The following WDR36 variants were observed in gnomAD, a reference collection of about 807,000 sequenced individuals.
The protein encoded by WDR36 is WD repeat-containing protein 36.
A neutral mutation model predicts 112.7 loss-of-function variants in WDR36; 63 were observed. The observed-to-expected ratio is 0.56, with a 90% CI of 0.46 to 0.69. The LOEUF (loss-of-function observed/expected upper bound fraction) is 0.69. Ranked by LOEUF, WDR36 falls within the 30% of genes least tolerant of loss-of-function variation. The pLI is 0.00. For synonymous variants in WDR36, 410 were observed against 362.2 expected, an observed-to-expected ratio of 1.13 and a Z score of -1.50; for missense variants, 1,226 against 1,070.3, an observed-to-expected ratio of 1.15 and a Z score of -2.03.
intron 4 of WDR36, among the ~76,000 whole-genome samples, chr5:111,099,304 G>A (rs1753063153): frequency 1.3e-5 from 2 of 151,800 alleles, no homozygotes; most frequent in African/African-American, 2.4e-5. Flanking sequence ...TATGTTTATG[G>A]GATTATGTAT....
Position 111,100,476 on chromosome 5 carries a change from T to C in WDR36, c.410-113T>C, listed in dbSNP as rs1052317422. On this transcript the variant is annotated intron_variant, in intron 4 of 22. Transcript: ENST00000513710. ...GATTAGTATCTAAGTCTGTGGTTTA[T>C]TTTAACATATAAATCTTTGATGTGA... 3.3e-5 allele frequency: 23 copies of C among 703,634 alleles called. No individual in the cohort carries two copies. The African/African-American group carries it at 4.0e-4, about 12-fold the overall frequency. 43.6% of individuals were successfully genotyped at this position (703,634 alleles called of 1,614,324 possible).
At position 111,104,153 on chromosome 5, in the gene WDR36, T is replaced by C. The variant is rs374768347; in HGVS notation, c.731-24T>C. The C allele has an allele frequency of 2.8e-4, 446 of 1,594,012 alleles. 1 individual carries two copies. Among genetic ancestry groups the C allele is most frequent in the South Asian group, 1.5e-3 (135 of 89,794 alleles). On this transcript the variant is annotated intron_variant, in intron 7 of 22. Coordinates refer to ENST00000513710, the MANE Select transcript of WDR36 (RefSeq NM_139281.3). ...TTGGGGGATCTAGAAGTATTTTTCT[T>C]AATGTATTTTATTTTAATAACAGAT...
At position 111,104,357 on chromosome 5, in the gene WDR36, T is replaced by G; in HGVS notation, c.906+5T>G. 6.2e-7 allele frequency: 1 copy of G among 1,611,710 alleles called. No individual in the cohort carries two copies. The highest frequency in any genetic ancestry group is 8.5e-7 in the Non-Finnish European group (1 of 1,178,272). On this transcript the variant is annotated splice_donor_5th_base_variant and intron_variant, in intron 8 of 22. Coordinates refer to ENST00000513710, the MANE Select transcript of WDR36 (RefSeq NM_139281.3). Reference sequence around the variant, plus strand: ...GGCGCTGACAATGCTCTTAGGGTATTATGATTATTGTTAACATCTTCCTGG... The same window carrying G: ...GGCGCTGACAATGCTCTTAGGGTATGATGATTATTGTTAACATCTTCCTGG...
At position 111,128,280 on chromosome 5, in the gene WDR36, A is replaced by G. The variant is rs1295414065; in HGVS notation, c.*1397A>G. 5.3e-6 allele frequency: 1 copy of G among 187,890 alleles called. No homozygotes were observed. The highest frequency in any genetic ancestry group is 1.1e-5 in the Non-Finnish European group (1 of 89,060). The allele number at this position is 187,890 out of a possible 1,614,324, so 11.6% of individuals were successfully genotyped here. A position where few individuals can be genotyped will look rare whatever the true frequency, so the allele number is the denominator to read the frequency against. On this transcript the variant is annotated 3_prime_UTR_variant, in exon 23 of 23. Coordinates refer to ENST00000513710, the MANE Select transcript of WDR36 (RefSeq NM_139281.3). Reference sequence around the variant, plus strand: ...TGATCTCCAAAAGAAGCAGTCCTCAAAAGGCATTTACCAGTGATATCTTTT... The same window carrying G: ...TGATCTCCAAAAGAAGCAGTCCTCAGAAGGCATTTACCAGTGATATCTTTT...
Position 111,125,729 on chromosome 5 carries a change from T to C in WDR36, c.2472T>C (p.Ile824=). 1 of 1,613,932 alleles carries C rather than the reference T, an allele frequency of 6.2e-7. No individual in the cohort carries two copies. The change falls in exon 22 of 23, where the codon ATT becomes ATC. Residue 824 remains isoleucine (I), a synonymous_variant. Coordinates refer to ENST00000513710, the MANE Select transcript of WDR36 (RefSeq NM_139281.3). Reference sequence around the variant, plus strand: ...TTATGCAGAGCTTCTTGAAAATGATTGGGATGATGCTGGACAGAAAGCGTG... The same window carrying C: ...TTATGCAGAGCTTCTTGAAAATGATCGGGATGATGCTGGACAGAAAGCGTG... ...IEVMQSFLKM[I]GMMLDRKRDF...
intron 1 of WDR36, among the ~76,000 whole-genome samples, chr5:111,094,698 C>T (rs942149775): frequency 6.6e-6 from 1 of 152,078 alleles, no homozygotes; most frequent in Non-Finnish European, 1.5e-5. Context: ...ATATTTGGCC[C>T]ATTATAGAAA....
chr5:111,104,965 C>G lies in WDR36; in HGVS notation c.1027+148C>G. On this transcript the variant is annotated intron_variant, in intron 9 of 22. Coordinates refer to ENST00000513710, the MANE Select transcript of WDR36 (RefSeq NM_139281.3). ...GGGTAAAACTAAGAGTCCTTTTTGT[C>G]TACTTGAGAAGCACTATAGATGTTA... 5.0e-6 allele frequency: 6 copies of G among 1,209,816 alleles called. No homozygotes were observed. The South Asian group carries it at 7.6e-5, about 15-fold the overall frequency. 74.9% of individuals were successfully genotyped at this position (1,209,816 alleles called of 1,614,324 possible).
chr5:111,126,761 C>T lies in WDR36; in HGVS notation c.2566C>T (p.Pro856Ser). Residue 856 changes from proline (P) to serine (S), a missense_variant, in exon 23 of 23, where the codon CCA becomes TCA. Transcript: ENST00000513710. ...ACACCTTAAAATGCTTCCTTCAGAGCCAGTACTCCTAGAAGAAATAACAAA... is the reference window on the plus strand; with the variant it reads ...ACACCTTAAAATGCTTCCTTCAGAGTCAGTACTCCTAGAAGAAATAACAAA... ...KLHLKMLPSEPVLLEEITNLS... is the reference protein window; with the variant it reads ...KLHLKMLPSESVLLEEITNLS... 1 of 1,613,704 alleles carries T rather than the reference C, an allele frequency of 6.2e-7. No individual in the cohort carries two copies.
At chr5:111,123,596 G>A (rs1479352510) in intron 19 of WDR36, among the ~76,000 whole-genome samples, 6 of 152,124 alleles carry the variant, frequency 3.9e-5, no homozygotes, top group African/African-American at 7.2e-5. Context: ...TGCCTTATCG[G>A]CAAGGGTGCT....
At position 111,110,865 on chromosome 5, in the gene WDR36, C is replaced by T. The variant is rs374435863; in HGVS notation, c.1519C>T (p.Leu507Phe). Residue 507 changes from leucine to phenylalanine, a missense_variant, in exon 14 of 23, where the codon CTC becomes TTC. Coordinates refer to ENST00000513710, the MANE Select transcript of WDR36 (RefSeq NM_139281.3). ...AGTTACAACTGGTAGTGAAGGATTA[C>T]TCAAATTCTGGAACTTTAAAAACAA... ...LTVTTGSEGL[L>F]KFWNFKNKIL... 3.1e-6 allele frequency: 5 copies of T among 1,611,564 alleles called. No individual in the cohort carries two copies. The African/African-American group carries it at 4.0e-5, about 13-fold the overall frequency.
chr5:111,109,673 A>G (rs554790334), intron 12 of WDR36, among the ~76,000 whole-genome samples: 19 of 151,340 alleles, frequency 1.3e-4, no homozygotes, highest in Admixed American at 9.9e-4. Context: ...ATATTATAGA[A>G]CCTGCTTATA....
Position 111,105,317 on chromosome 5 carries a change from A to G in WDR36, c.1050A>G (p.Ser350=). The G allele has an allele frequency of 6.2e-7, 1 of 1,610,056 alleles. No individual in the cohort carries two copies. The highest frequency in any genetic ancestry group is 1.1e-5 in the South Asian group (1 of 91,010). ...LSASQDGTLQ[S]FSTVHEKFNK... ...CAGGTCAAGATGGAACTCTTCAGTC[A>G]TTTTCCACGGTACATGAAAAATTCA... The change falls in exon 10 of 23, where the codon TCA becomes TCG. Residue 350 remains serine, a synonymous_variant. Transcript: ENST00000513710.
At chr5:111,123,199 T>G (rs1172765503) in intron 19 of WDR36, among the ~76,000 whole-genome samples, 3 of 152,204 alleles carry the variant, frequency 2.0e-5, no homozygotes, top group African/African-American at 2.4e-5. Flanking sequence ...GAGTTTTTGC[T>G]AATATAATTT....
chr5:111,127,125 C>T lies in WDR36; in HGVS notation c.*242C>T. 1 of 376,456 alleles carries T rather than the reference C, an allele frequency of 2.7e-6. No homozygotes were observed. The highest frequency in any genetic ancestry group is 4.3e-5 in the East Asian group (1 of 23,150). The allele number at this position is 376,456 out of a possible 1,614,324, so 23.3% of individuals were successfully genotyped here. A position where few individuals can be genotyped will look rare whatever the true frequency, so the allele number is the denominator to read the frequency against. On this transcript the variant is annotated 3_prime_UTR_variant, in exon 23 of 23. Transcript: ENST00000513710. ...GCCAAAGCGGGAGGATTGCTTGAAGCCAGGAATTTGAGCCCAGCCTGGGCA... is the reference window on the plus strand; with the variant it reads ...GCCAAAGCGGGAGGATTGCTTGAAGTCAGGAATTTGAGCCCAGCCTGGGCA...
Position 111,104,731 on chromosome 5 carries a change from G to T in WDR36, c.941G>T (p.Arg314Leu). 2 of 1,611,294 alleles carry T rather than the reference G, an allele frequency of 1.2e-6. No homozygotes were observed. The highest frequency in any genetic ancestry group is 8.5e-7 in the Non-Finnish European group (1 of 1,177,936). ...WIFDGPTGEG[R>L]LLRFRMGHSA... Reference sequence around the variant, plus strand: ...TTTGATGGTCCTACAGGTGAAGGCCGACTTTTGAGATTCAGAATGGGTCAT... The same window carrying T: ...TTTGATGGTCCTACAGGTGAAGGCCTACTTTTGAGATTCAGAATGGGTCAT... Residue 314 changes from arginine (R) to leucine (L), a missense_variant, in exon 9 of 23, where the codon CGA becomes CTA. Coordinates refer to ENST00000513710, the MANE Select transcript of WDR36 (RefSeq NM_139281.3).
At chr5:111,093,236 T>C (rs906373070) in intron 1 of WDR36, among the ~76,000 whole-genome samples, 1 of 152,238 alleles carries the variant, frequency 6.6e-6, no homozygotes, top group Non-Finnish European at 1.5e-5. Context: ...TAGTGATGAT[T>C]TTTTCTCCTA....
chr5:111,103,976 A>G (rs1753171362), intron 7 of WDR36, 58 bp downstream of exon 7: 1 of 1,597,450 alleles, frequency 6.3e-7, no homozygotes, highest in Non-Finnish European at 8.5e-7. Context: ...CATTACTTTA[A>G]AAGTCAATTT....
intron 16 of WDR36, among the ~76,000 whole-genome samples, chr5:111,114,611 G>C (rs1195383155): frequency 1.3e-5 from 2 of 152,158 alleles, no homozygotes; most frequent in East Asian, 1.9e-4. Flanking sequence ...ACTTAAAATA[G>C]AGTGAAGCAA....
chr5:111,121,262 C>A (rs907994152), intron 19 of WDR36, 121 bp downstream of exon 19: 10 of 980,430 alleles, frequency 1.0e-5, no homozygotes, highest in Non-Finnish European at 1.6e-5. Flanking sequence ...TGTAAGACAG[C>A]ACTGACAATG....
Sources: gnomAD v4.1 joint callset for allele counts (sites outside exome capture counted in the v4.1 genomes callset) on GRCh38, gnomAD v4.1.1 for gene constraint, MANE v1.5 for transcripts, NCBI Gene and HGNC (gene_info 2026-07-23, HGNC 2026-07-21) for gene names.